Variants in EHBP1 observed in about 807,000 individuals in gnomAD.
The protein encoded by EHBP1 is EH domain-binding protein 1.
EHBP1 carries 55 observed loss-of-function variants against 144.0 expected under a neutral mutation model. That is an observed-to-expected ratio of 0.38 (90% CI 0.31 to 0.48). The LOEUF is 0.48. EHBP1 is among the 20% of genes least tolerant of loss of function. EHBP1 has a pLI of 0.98. For missense variants in EHBP1, 1,200 were observed against 1,364.2 expected (o/e 0.88, Z 1.90); for synonymous variants, 469 against 472.7 (o/e 0.99, Z 0.10).
intron 3 of EHBP1, among the ~76,000 whole-genome samples, chr2:62,750,160 A>T (rs895675186): frequency 1.3e-5 from 2 of 152,176 alleles, no homozygotes; most frequent in African/African-American, 4.8e-5. Flanking sequence ...TAATTTTTAT[A>T]TAAGGTGTAA....
intron 10 of EHBP1, among the ~76,000 whole-genome samples, chr2:62,875,324 C>T (rs1171348281): frequency 2.6e-5 from 4 of 152,174 alleles, no homozygotes; most frequent in African/African-American, 4.8e-5. Context: ...ATAACAAAGC[C>T]GTGGGTCTGG....
chr2:62,997,427 CATGTGTGTGTGTGTGTGTGTGTGTGTGT>C (rs1488966907), intron 19 of EHBP1, among the ~76,000 whole-genome samples: 1 of 139,870 alleles, frequency 7.1e-6, no homozygotes, highest in Admixed American at 7.2e-5. Flanking sequence ...GAAAGGAACT[CATGTGTGTGTGTGTGTGTGTGTGTGTGT>C]GTGTGTGTGT....
chr2:62,813,642 G>T (rs935047514), intron 5 of EHBP1, among the ~76,000 whole-genome samples: 3 of 152,234 alleles, frequency 2.0e-5, no homozygotes, highest in Non-Finnish European at 4.4e-5. Flanking sequence ...ATAGGGGCAG[G>T]GTTGCCTGAG....
intron 2 of EHBP1, among the ~76,000 whole-genome samples, chr2:62,735,944 T>A (rs1449323546): frequency 5.9e-5 from 9 of 152,248 alleles, no homozygotes; most frequent in African/African-American, 2.2e-4. Flanking sequence ...AGGATTTTTT[T>A]ATCTTTGATT....
chr2:62,718,945 G>A (rs1246698383), intron 2 of EHBP1, among the ~76,000 whole-genome samples: 1 of 151,008 alleles, frequency 6.6e-6, no homozygotes, highest in Non-Finnish European at 1.5e-5. Context: ...AGCAAAGAGT[G>A]TTGAGAGATA....
intron 7 of EHBP1, among the ~76,000 whole-genome samples, chr2:62,832,348 T>G (rs1407303492): frequency 6.6e-6 from 1 of 151,986 alleles, no homozygotes; most frequent in Non-Finnish European, 1.5e-5. Flanking sequence ...ATTTGTCGCA[T>G]TCATCATTAG....
intron 19 of EHBP1, among the ~76,000 whole-genome samples, chr2:63,029,440 C>G (rs954651742): frequency 6.6e-6 from 1 of 150,376 alleles, no homozygotes; most frequent in African/African-American, 2.5e-5. Context: ...TGTCTCCATA[C>G]TAGATTATGC....
chr2:62,694,448 T>C (rs548746416), intron 1 of EHBP1, among the ~76,000 whole-genome samples: 1 of 149,402 alleles, frequency 6.7e-6, no homozygotes, highest in Non-Finnish European at 1.5e-5. Context: ...TTTTAGTTGA[T>C]CAGAAAAATT....
At position 62,764,346 on chromosome 2, in the gene EHBP1, T is replaced by C; in HGVS notation, c.243T>C (p.Thr81=). The change falls in exon 4 of 23, where the codon ACT becomes ACC. Residue 81 remains threonine, a synonymous_variant. Coordinates refer to ENST00000431489, the MANE Select transcript of EHBP1 (RefSeq NM_001142616.3). ...VWPVPENIEI[T]VTLFKDPHAE... ...CTGTTCCTGAAAACATTGAAATCAC[T>C]GTAACACTTTTTAAGGTAAGTTCCA... 1 of 1,577,056 alleles carries C rather than the reference T, an allele frequency of 6.3e-7. No individual in the cohort carries two copies. Among genetic ancestry groups the C allele is most frequent in the South Asian group, 1.2e-5 (1 of 84,206 alleles).
intron 19 of EHBP1, among the ~76,000 whole-genome samples, chr2:62,999,719 A>G (rs2059775632): frequency 6.6e-6 from 1 of 152,146 alleles, no homozygotes; most frequent in South Asian, 2.1e-4. Context: ...TTGTTTATTC[A>G]TTCATCTGTT....
chr2:62,709,892 A>G (rs944936132), intron 2 of EHBP1, among the ~76,000 whole-genome samples: 1 of 151,922 alleles, frequency 6.6e-6, no homozygotes, highest in Non-Finnish European at 1.5e-5. Flanking sequence ...TCTTTTTTTC[A>G]TTTGAGAGAG....
chr2:62,706,413 A>G (rs1229991868), intron 1 of EHBP1: 2 of 152,146 alleles, frequency 1.3e-5, no homozygotes, highest in Non-Finnish European at 2.9e-5. Context: ...TTCCCCATCC[A>G]TTTCCTCCCT....
intron 5 of EHBP1, among the ~76,000 whole-genome samples, chr2:62,807,410 C>T (rs922164666): frequency 5.3e-5 from 8 of 152,000 alleles, no homozygotes; most frequent in Non-Finnish European, 1.2e-4. Flanking sequence ...TAGCTGGGTG[C>T]GGTGGCACAT....
chr2:63,004,281 G>C (rs1363734315), intron 19 of EHBP1, among the ~76,000 whole-genome samples: 2 of 151,962 alleles, frequency 1.3e-5, no homozygotes, highest in Non-Finnish European at 2.9e-5. Flanking sequence ...AAGCAAAATG[G>C]CTCATAAAAA....
intron 11 of EHBP1, 47 bp from the exon 12 acceptor site, chr2:62,943,754 GT>G (rs767957415): frequency 2.2e-6 from 3 of 1,339,166 alleles, no homozygotes; most frequent in South Asian, 3.2e-5. Context: ...AAAAACAGCT[GT>G]TTTTATCAAA....
At chr2:63,017,368 C>T (rs1198433806) in intron 19 of EHBP1, among the ~76,000 whole-genome samples, 1 of 152,184 alleles carries the variant, frequency 6.6e-6, no homozygotes, top group Non-Finnish European at 1.5e-5. Flanking sequence ...GGTTTTGATC[C>T]TTGGTATGCT....
intron 10 of EHBP1, among the ~76,000 whole-genome samples, chr2:62,879,343 A>C (rs1432560540): frequency 6.6e-6 from 1 of 152,128 alleles, no homozygotes. Flanking sequence ...AAGAGAAGTC[A>C]ATCACTTTTC....
Position 62,991,854 on chromosome 2 carries a change from G to C in EHBP1, c.2733+1014G>C, listed in dbSNP as rs997697774. 3.3e-5 allele frequency among the ~76,000 whole-genome samples: 5 copies of C among 152,162 alleles called. No homozygotes were observed. The East Asian group carries it at 9.6e-4, about 29-fold the overall frequency. On this transcript the variant is annotated intron_variant, in intron 16 of 22. Coordinates refer to ENST00000431489, the MANE Select transcript of EHBP1 (RefSeq NM_001142616.3). ...AAGTCCCAAAACAATGACTTTCATT[G>C]CTTTTCCCCTATATTGTCAGTTTCT...
intron 5 of EHBP1, among the ~76,000 whole-genome samples, chr2:62,814,811 T>C (rs149577550): frequency 2.4e-3 from 363 of 152,310 alleles, no homozygotes; most frequent in Non-Finnish European, 3.6e-3. Flanking sequence ...CATTGAAGAC[T>C]TCAGGTCAAA....
Sources: allele counts gnomAD v4.1 joint callset (sites outside exome capture counted in the v4.1 genomes callset), GRCh38; gene constraint gnomAD v4.1.1; transcripts MANE v1.5; gene names NCBI Gene and HGNC (gene_info 2026-07-23, HGNC 2026-07-21).